ITFG1: variants seen among roughly 807,000 people sequenced by gnomAD.
ITFG1 encodes the protein integrin alpha FG-GAP repeat containing 1.
ITFG1 carries 34 observed loss-of-function variants against 81.8 expected under a neutral mutation model. That is an observed-to-expected ratio of 0.42 (90% CI 0.32 to 0.55). The LOEUF (loss-of-function observed/expected upper bound fraction) is 0.55. Ranked by LOEUF, ITFG1 falls within the 20% of genes least tolerant of loss-of-function variation. ITFG1 has a pLI of 0.17. For missense variants in ITFG1, 672 were observed against 755.4 expected (o/e 0.89, Z 1.29); for synonymous variants, 285 against 270.6 (o/e 1.05, Z -0.52).
chr16:47,330,675 A>G (rs921185964), intron 8 of ITFG1, among the ~76,000 whole-genome samples: 1 of 152,188 alleles, frequency 6.6e-6, no homozygotes. Context: ...ACATGAACAG[A>G]TACTTCTCAA....
chr16:47,364,314 T>C (rs1334438584), intron 8 of ITFG1, among the ~76,000 whole-genome samples: 2 of 152,180 alleles, frequency 1.3e-5, no homozygotes, highest in African/African-American at 2.4e-5. Context: ...AACACTAACA[T>C]GCAAACGTTT....
At chr16:47,233,872 C>T (rs1300273298) in intron 13 of ITFG1, among the ~76,000 whole-genome samples, 1 of 152,168 alleles carries the variant, frequency 6.6e-6, no homozygotes, top group Non-Finnish European at 1.5e-5. Context: ...GCCCAAAGCA[C>T]TGTAATCATT....
At chr16:47,192,440 T>C (rs1187998956) in intron 14 of ITFG1, among the ~76,000 whole-genome samples, 1 of 152,218 alleles carries the variant, frequency 6.6e-6, no homozygotes, top group Non-Finnish European at 1.5e-5. Context: ...CCTCTCATTA[T>C]GAAACACTAG....
chr16:47,325,923 G>A (rs1967532254), intron 8 of ITFG1, among the ~76,000 whole-genome samples: 1 of 152,144 alleles, frequency 6.6e-6, no homozygotes, highest in Non-Finnish European at 1.5e-5. Context: ...CACTCCTTAT[G>A]AAACTACTCC....
chr16:47,403,165 A>ACCCTTCCC (rs1968684032), intron 6 of ITFG1, among the ~76,000 whole-genome samples: 3 of 151,986 alleles, frequency 2.0e-5, no homozygotes, highest in Non-Finnish European at 4.4e-5. Context: ...TTTCCTTATA[A>ACCCTTCCC]CACACAAAAT....
At chr16:47,351,321 C>T (rs1408804623) in intron 8 of ITFG1, among the ~76,000 whole-genome samples, 1 of 152,216 alleles carries the variant, frequency 6.6e-6, no homozygotes, top group Non-Finnish European at 1.5e-5. Flanking sequence ...CCCATCGTCT[C>T]AGCCTAAAAT....
At chr16:47,328,516 A>G (rs1383726217) in intron 8 of ITFG1, among the ~76,000 whole-genome samples, 1 of 152,118 alleles carries the variant, frequency 6.6e-6, no homozygotes, top group Non-Finnish European at 1.5e-5. Flanking sequence ...TAAAATTTGG[A>G]GTAAATGTGA....
chr16:47,185,980 A>T (rs1205686584), intron 14 of ITFG1, among the ~76,000 whole-genome samples: 1 of 152,240 alleles, frequency 6.6e-6, no homozygotes, highest in Non-Finnish European at 1.5e-5. Flanking sequence ...TACTACAAAC[A>T]TCTCTATGCA....
At chr16:47,171,758 T>A (rs1332643143) in intron 14 of ITFG1, among the ~76,000 whole-genome samples, 2 of 152,210 alleles carry the variant, frequency 1.3e-5, no homozygotes, top group Non-Finnish European at 2.9e-5. Context: ...AGATATTGTT[T>A]AGTTTTGTGA....
intron 14 of ITFG1, among the ~76,000 whole-genome samples, chr16:47,187,949 G>A (rs1330856047): frequency 7.2e-5 from 11 of 151,862 alleles, no homozygotes; most frequent in East Asian, 3.9e-4. Flanking sequence ...AAAAGTGGGC[G>A]AAGGACATGA....
At chr16:47,244,417 G>A (rs1965972894) in intron 12 of ITFG1, among the ~76,000 whole-genome samples, 1 of 152,178 alleles carries the variant, frequency 6.6e-6, no homozygotes, top group South Asian at 2.1e-4. Context: ...TAGGTAGATA[G>A]TGTCAGAATT....
At chr16:47,366,490 G>A (rs545412856) in intron 7 of ITFG1, among the ~76,000 whole-genome samples, 22 of 152,242 alleles carry the variant, frequency 1.4e-4, no homozygotes, top group Non-Finnish European at 2.8e-4. Context: ...AAATAGAAAA[G>A]GAGAGCTTAT....
chr16:47,410,224 A>G (rs1968792646), intron 6 of ITFG1, among the ~76,000 whole-genome samples: 1 of 152,166 alleles, frequency 6.6e-6, no homozygotes, highest in Non-Finnish European at 1.5e-5. Context: ...GGCTCCTGTG[A>G]GCTGTGATGG....
intron 5 of ITFG1, among the ~76,000 whole-genome samples, chr16:47,431,618 T>C (rs1969096977): frequency 6.6e-6 from 1 of 152,196 alleles, no homozygotes; most frequent in Non-Finnish European, 1.5e-5. Flanking sequence ...CTGATGGTTG[T>C]GCAAAATTGT....
intron 10 of ITFG1, among the ~76,000 whole-genome samples, chr16:47,290,780 T>C (rs1056719043): frequency 1.3e-5 from 2 of 152,154 alleles, no homozygotes; most frequent in Admixed American, 1.3e-4. Flanking sequence ...ATCTTTTAAG[T>C]GGGAAATTTA....
At chr16:47,453,231 C>T (rs1451805587) in intron 3 of ITFG1, among the ~76,000 whole-genome samples, 13 of 152,138 alleles carry the variant, frequency 8.5e-5, no homozygotes, top group African/African-American at 1.2e-4. Flanking sequence ...TAATGTATCG[C>T]GATTACTGTT....
intron 14 of ITFG1, among the ~76,000 whole-genome samples, chr16:47,188,062 G>C (rs1343543499): frequency 3.3e-5 from 5 of 151,828 alleles, no homozygotes; most frequent in Non-Finnish European, 7.4e-5. Flanking sequence ...ACCACAGTGA[G>C]ATACCATCTC....
At chr16:47,292,584 TG>T (rs1966921993) in intron 10 of ITFG1, among the ~76,000 whole-genome samples, 1 of 152,318 alleles carries the variant, frequency 6.6e-6, no homozygotes, top group Non-Finnish European at 1.5e-5. Context: ...TGGTAAAGTC[TG>T]GGACATTAGT....
At chr16:47,202,377 A>G (rs1596805296) in intron 14 of ITFG1, 2 of 152,330 alleles carry the variant, frequency 1.3e-5, no homozygotes, top group South Asian at 4.1e-4. Flanking sequence ...TAAACTCAGG[A>G]TTGGTTTTCA....
Sources: allele counts gnomAD v4.1 joint callset (sites outside exome capture counted in the v4.1 genomes callset), GRCh38; gene constraint gnomAD v4.1.1; transcripts MANE v1.5; gene names NCBI Gene and HGNC (gene_info 2026-07-23, HGNC 2026-07-21).